PAPPA2: variants seen among roughly 807,000 people sequenced by gnomAD.
PAPPA2 encodes pappalysin 2.
Under a neutral mutation model 176.4 loss-of-function variants are expected in PAPPA2, and 86 were observed. The observed-to-expected ratio is 0.49, with a 90% CI of 0.41 to 0.58. The LOEUF is 0.58. PAPPA2 is among the 20% of genes least tolerant of loss of function. PAPPA2 has a pLI of 0.00. For synonymous variants in PAPPA2, 809 were observed against 852.2 expected, an observed-to-expected ratio of 0.95 and a Z score of 0.88; for missense variants, 2,073 against 2,256.9, an observed-to-expected ratio of 0.92 and a Z score of 1.65.
At chr1:176,769,240 A>G (rs557324900) in intron 15 of PAPPA2, among the ~76,000 whole-genome samples, 2 of 152,264 alleles carry the variant, frequency 1.3e-5, no homozygotes, top group Non-Finnish European at 2.9e-5. Context: ...TGTGTCCTGG[A>G]TCTGAATGCA....
intron 3 of PAPPA2, among the ~76,000 whole-genome samples, chr1:176,669,537 A>C (rs1658863859): frequency 1.3e-5 from 2 of 152,180 alleles, no homozygotes; most frequent in Non-Finnish European, 2.9e-5. Context: ...CAGCAGGAGA[A>C]CTATCCCCCT....
chr1:176,561,674 G>T (rs1651681106), intron 2 of PAPPA2, among the ~76,000 whole-genome samples: 1 of 152,050 alleles, frequency 6.6e-6, no homozygotes, highest in Non-Finnish European at 1.5e-5. Context: ...AAGTTTTCTG[G>T]AGGCCATAAA....
At position 176,842,482 on chromosome 1, in the gene PAPPA2, G is replaced by A; in HGVS notation, c.*28G>A. 4 of 1,596,016 alleles carry A rather than the reference G, an allele frequency of 2.5e-6. No homozygotes were observed. The highest frequency in any genetic ancestry group is 3.4e-6 in the Non-Finnish European group (4 of 1,164,584). On this transcript the variant is annotated 3_prime_UTR_variant, in exon 23 of 23. Transcript: ENST00000367662. ...GTGGGAACAAGCCCCTCCCTCCACT[G>A]CCTCAGAGGCAGTAAGAAAGAGAGG...
intron 1 of PAPPA2, among the ~76,000 whole-genome samples, chr1:176,489,316 G>A (rs1411972901): frequency 1.3e-5 from 2 of 152,304 alleles, no homozygotes; most frequent in South Asian, 2.1e-4. Context: ...ACTGGTCTTA[G>A]CACCTCCCCA....
chr1:176,790,254 A>G (rs1330991374), intron 18 of PAPPA2, among the ~76,000 whole-genome samples: 4 of 152,166 alleles, frequency 2.6e-5, no homozygotes, highest in African/African-American at 9.7e-5. Flanking sequence ...TGATTTAGCA[A>G]TGTGATCTCC....
intron 3 of PAPPA2, among the ~76,000 whole-genome samples, chr1:176,637,769 G>A (rs1656808704): frequency 6.6e-6 from 1 of 152,052 alleles, no homozygotes; most frequent in Non-Finnish European, 1.5e-5. Flanking sequence ...AATTGTTTGT[G>A]GCCTTTCTGT....
intron 6 of PAPPA2, among the ~76,000 whole-genome samples, chr1:176,692,880 CA>C (rs1299771730): frequency 1.3e-5 from 2 of 152,184 alleles, no homozygotes; most frequent in African/African-American, 4.8e-5. Flanking sequence ...CTACCTGCCC[CA>C]CTTGACTGGC....
chr1:176,476,090 A>C (rs929957026), intron 1 of PAPPA2, among the ~76,000 whole-genome samples: 1 of 152,208 alleles, frequency 6.6e-6, no homozygotes, highest in Non-Finnish European at 1.5e-5. Flanking sequence ...ATCATTTTCC[A>C]TGCCCCTGAT....
chr1:176,580,690 A>C (rs942439757), intron 2 of PAPPA2, among the ~76,000 whole-genome samples: 1 of 151,892 alleles, frequency 6.6e-6, no homozygotes, highest in Non-Finnish European at 1.5e-5. Context: ...GGGTAAAATG[A>C]TATCTTATTG....
intron 21 of PAPPA2, 80 bp from the exon 22 acceptor site, chr1:176,840,093 C>A: frequency 8.9e-7 from 1 of 1,127,508 alleles, no homozygotes; most frequent in South Asian, 1.3e-5. Context: ...GTATGGATTA[C>A]GCTGGGATGG....
At chr1:176,605,308 T>A (rs1249146002) in intron 3 of PAPPA2, among the ~76,000 whole-genome samples, 1 of 152,180 alleles carries the variant, frequency 6.6e-6, no homozygotes, top group Non-Finnish European at 1.5e-5. Flanking sequence ...TTAGTTAGGA[T>A]TTTGCAATTG....
intron 3 of PAPPA2, among the ~76,000 whole-genome samples, chr1:176,603,173 C>T (rs747538648): frequency 1.7e-4 from 26 of 152,216 alleles, no homozygotes; most frequent in Non-Finnish European, 2.9e-4. Flanking sequence ...CAAAATACTT[C>T]GGCTTTTTCC....
chr1:176,472,570 C>T (rs142476663), intron 1 of PAPPA2, among the ~76,000 whole-genome samples: 20 of 152,236 alleles, frequency 1.3e-4, no homozygotes, highest in Non-Finnish European at 2.4e-4. Flanking sequence ...ACTTACAAAC[C>T]GTAATCTAGG....
intron 14 of PAPPA2, among the ~76,000 whole-genome samples, chr1:176,755,659 G>A (rs1362518835): frequency 6.6e-6 from 1 of 152,158 alleles, no homozygotes; most frequent in Non-Finnish European, 1.5e-5. Context: ...ACAAGGAGAT[G>A]GCTACTGCCT....
At chr1:176,738,372 C>T (rs1662516389) in intron 12 of PAPPA2, among the ~76,000 whole-genome samples, 1 of 152,046 alleles carries the variant, frequency 6.6e-6, no homozygotes, top group Non-Finnish European at 1.5e-5. Context: ...ATAAAATCAT[C>T]CTAATTAAGC....
At chr1:176,692,995 T>G (rs1329772285) in intron 6 of PAPPA2, among the ~76,000 whole-genome samples, 1 of 152,216 alleles carries the variant, frequency 6.6e-6, no homozygotes, top group East Asian at 1.9e-4. Context: ...CACCTAAAAC[T>G]AACTTTCATT....
At chr1:176,464,582 T>C (rs1651526492) in intron 1 of PAPPA2, among the ~76,000 whole-genome samples, 1 of 152,178 alleles carries the variant, frequency 6.6e-6, no homozygotes, top group South Asian at 2.1e-4. Context: ...AGGTACGATA[T>C]TGGGTGTTGA....
At chr1:176,782,475 C>G (rs1396791067) in intron 17 of PAPPA2, among the ~76,000 whole-genome samples, 1 of 151,920 alleles carries the variant, frequency 6.6e-6, no homozygotes, top group African/African-American at 2.4e-5. Context: ...AATAAGGATG[C>G]TTTTGGGTGG....
chr1:176,818,466 C>CGGCA, intron 21 of PAPPA2, among the ~76,000 whole-genome samples: 1 of 152,234 alleles, frequency 6.6e-6, no homozygotes, highest in Admixed American at 6.5e-5. Flanking sequence ...ATCTGCCGTC[C>CGGCA]GGTTGCTCAG....
Sources: allele counts gnomAD v4.1 joint callset (sites outside exome capture counted in the v4.1 genomes callset), GRCh38; gene constraint gnomAD v4.1.1; transcripts MANE v1.5; gene names NCBI Gene and HGNC (gene_info 2026-07-23, HGNC 2026-07-21).